CSMD1: variants seen among roughly 807,000 people sequenced by gnomAD.
CSMD1 encodes the protein CUB and Sushi multiple domains 1.
CSMD1 carries 213 observed loss-of-function variants against 417.5 expected under a neutral mutation model. The ratio of observed to expected loss-of-function variants is 0.51; its 90% CI spans 0.46 to 0.57. CSMD1 has a LOEUF of 0.57. CSMD1 is among the 20% of genes least tolerant of loss of function. The pLI is 0.00. For synonymous variants in CSMD1, 2,862 were observed against 1,736.8 expected, an observed-to-expected ratio of 1.65 and a Z score of -16.11; for missense variants, 6,923 against 4,529.7, an observed-to-expected ratio of 1.53 and a Z score of -15.17.
chr8:3,065,658 G>T (rs1010450733), intron 49 of CSMD1, among the ~76,000 whole-genome samples: 2 of 152,136 alleles, frequency 1.3e-5, no homozygotes, highest in South Asian at 4.1e-4. Flanking sequence ...ATGACAGATT[G>T]ATTGATCAAT....
intron 1 of CSMD1, among the ~76,000 whole-genome samples, chr8:4,887,767 CATT>C (rs1256977692): frequency 6.6e-6 from 1 of 151,580 alleles, no homozygotes; most frequent in Non-Finnish European, 1.5e-5. Flanking sequence ...ACAATTTTAT[CATT>C]TTTTTTAAAT....
At chr8:4,530,138 C>T (rs1428746253) in intron 2 of CSMD1, among the ~76,000 whole-genome samples, 2 of 151,716 alleles carry the variant, frequency 1.3e-5, no homozygotes, top group Non-Finnish European at 2.9e-5. Context: ...TGGTCTCGAT[C>T]TCCTGACCTT....
intron 3 of CSMD1, among the ~76,000 whole-genome samples, chr8:4,218,547 T>C (rs1301233055): frequency 2.6e-5 from 4 of 152,224 alleles, no homozygotes; most frequent in African/African-American, 9.6e-5. Context: ...TTGAATTTGT[T>C]TCTGAGTCAA....
intron 2 of CSMD1, among the ~76,000 whole-genome samples, chr8:4,464,144 C>A (rs567110748): frequency 1.4e-5 from 2 of 146,572 alleles, no homozygotes; most frequent in Non-Finnish European, 3.0e-5. Context: ...GCTTATCCCT[C>A]CAGCTGGAAT....
At chr8:4,718,183 C>T (rs1411352577) in intron 1 of CSMD1, among the ~76,000 whole-genome samples, 2 of 152,068 alleles carry the variant, frequency 1.3e-5, no homozygotes, top group Non-Finnish European at 2.9e-5. Flanking sequence ...ACCTATGTAG[C>T]CCAGGCTGGT....
At position 4,175,907 on chromosome 8, in the gene CSMD1, C is replaced by A. The variant is rs572385943; in HGVS notation, c.416-143808G>T. On this transcript the variant is annotated intron_variant, in intron 3 of 69. Coordinates refer to ENST00000635120, the MANE Select transcript of CSMD1 (RefSeq NM_033225.6). ...CCAGTTGATTTCTAGTCCTAATTAC[C>A]ACTTTTCTGTGTGGTCACTGTGCAG... is the stretch of plus-strand genomic sequence containing the variant. 3.9e-5 allele frequency among the ~76,000 whole-genome samples: 6 copies of A among 152,184 alleles called. No homozygotes were observed. In the East Asian group the frequency reaches 1.2e-3, roughly 29 times the overall value.
At chr8:2,995,468 T>A (rs910407985) in intron 54 of CSMD1, among the ~76,000 whole-genome samples, 4 of 152,220 alleles carry the variant, frequency 2.6e-5, no homozygotes, top group African/African-American at 7.2e-5. Context: ...AGTACCGCCA[T>A]GCTGGAAAAA....
At chr8:3,932,112 A>C (rs2129659851) in intron 5 of CSMD1, among the ~76,000 whole-genome samples, 1 of 150,540 alleles carries the variant, frequency 6.6e-6, no homozygotes, top group East Asian at 2.0e-4. Context: ...ACATTCTTGA[A>C]AGTAGATGAT....
At chr8:4,758,047 A>G (rs987397826) in intron 1 of CSMD1, among the ~76,000 whole-genome samples, 1 of 151,988 alleles carries the variant, frequency 6.6e-6, no homozygotes, top group Non-Finnish European at 1.5e-5. Context: ...CCTTTAGGAT[A>G]TCTTCTTTCC....
chr8:4,885,210 T>G (rs561833411), intron 1 of CSMD1, among the ~76,000 whole-genome samples: 1 of 152,198 alleles, frequency 6.6e-6, no homozygotes, highest in African/African-American at 2.4e-5. Flanking sequence ...AATTTTATTT[T>G]TAGATATAAT....
At chr8:4,759,177 T>C (rs1811864888) in intron 1 of CSMD1, among the ~76,000 whole-genome samples, 1 of 152,156 alleles carries the variant, frequency 6.6e-6, no homozygotes, top group African/African-American at 2.4e-5. Flanking sequence ...CAGCTATAAT[T>C]CTTGTTAGTG....
At chr8:3,078,809 A>G (rs1185901775) in intron 49 of CSMD1, among the ~76,000 whole-genome samples, 1 of 152,156 alleles carries the variant, frequency 6.6e-6, no homozygotes, top group Non-Finnish European at 1.5e-5. Context: ...GACATTCAAC[A>G]ACATTCTGCT....
chr8:3,354,398 CTA>C, intron 21 of CSMD1, among the ~76,000 whole-genome samples: 1 of 152,202 alleles, frequency 6.6e-6, no homozygotes, highest in African/African-American at 2.4e-5. Context: ...ATGCAGATCT[CTA>C]TGTTTTAGAA....
rs575797758 is a variant in CSMD1 at position 4,430,495 on chromosome 8, C to G, written c.303-10430G>C. 3.9e-5 allele frequency among the ~76,000 whole-genome samples: 6 copies of G among 152,136 alleles called. No homozygotes were observed. In the East Asian group the frequency reaches 7.7e-4, roughly 20 times the overall value. ...TAGACATGGTATATCATAATTTGCACTAAACAAAAATTTCCTCCTAAGAAA... is the reference window on the plus strand; with the variant it reads ...TAGACATGGTATATCATAATTTGCAGTAAACAAAAATTTCCTCCTAAGAAA... On this transcript the variant is annotated intron_variant, in intron 2 of 69. Transcript: ENST00000635120.
chr8:4,237,578 A>T (rs1323683050), intron 3 of CSMD1, among the ~76,000 whole-genome samples: 1 of 151,640 alleles, frequency 6.6e-6, no homozygotes, highest in Non-Finnish European at 1.5e-5. Flanking sequence ...TCTGTCAACC[A>T]AGCTGGAGCA....
chr8:4,945,107 G>A (rs897913275), intron 1 of CSMD1, among the ~76,000 whole-genome samples: 2 of 152,062 alleles, frequency 1.3e-5, no homozygotes, highest in African/African-American at 4.8e-5. Context: ...AACACAGATG[G>A]ACCTCAAGCA....
chr8:4,640,843 T>A (rs1257225050), intron 1 of CSMD1, among the ~76,000 whole-genome samples: 4 of 138,896 alleles, frequency 2.9e-5, no homozygotes, highest in African/African-American at 8.4e-5. Flanking sequence ...TTTACAGGGA[T>A]TGAAACCTTA....
intron 41 of CSMD1, chr8:3,128,949 C>A (rs1472758839): frequency 4.7e-6 from 2 of 424,068 alleles, no homozygotes; most frequent in Non-Finnish European, 9.2e-6. Flanking sequence ...TCTCACAAAT[C>A]CTTTAAAAGC....
chr8:4,914,262 T>A (rs746309374), intron 1 of CSMD1, among the ~76,000 whole-genome samples: 1 of 152,016 alleles, frequency 6.6e-6, no homozygotes. Flanking sequence ...GCAGAGGAAA[T>A]AGAAACATTT....
Sources: gnomAD v4.1 joint callset for allele counts (sites outside exome capture counted in the v4.1 genomes callset) on GRCh38, gnomAD v4.1.1 for gene constraint, MANE v1.5 for transcripts, NCBI Gene and HGNC (gene_info 2026-07-23, HGNC 2026-07-21) for gene names.